The following ZFP1 variants were observed in gnomAD, a reference collection of about 807,000 sequenced individuals.
ZFP1 encodes zinc finger protein 1 homolog.
A neutral mutation model predicts 38.5 loss-of-function variants in ZFP1; 32 were observed. The ratio of observed to expected loss-of-function variants is 0.83; its 90% CI spans 0.63 to 1.12. The LOEUF (loss-of-function observed/expected upper bound fraction) is 1.12, where lower values mean the gene tolerates loss of function less well. Ranked by LOEUF, ZFP1 falls within the 50% of genes most tolerant of loss-of-function variation. The probability of loss-of-function intolerance (pLI) is 0.00; values close to 1 mark genes in which losing one functional copy is unlikely to be tolerated. For missense variants in ZFP1, 616 were observed against 480.8 expected (o/e 1.28, Z -2.63); for synonymous variants, 245 against 168.8 (o/e 1.45, Z -3.50).
chr16:75,170,759 A>G lies in ZFP1; in HGVS notation c.*425A>G, dbSNP rs1397852559. On this transcript the variant is annotated 3_prime_UTR_variant, in exon 4 of 4. Coordinates refer to ENST00000570010, the MANE Select transcript of ZFP1 (RefSeq NM_153688.4). The stretch of plus-strand genomic sequence containing the variant: ...GAATTTGAAATTCTTGTCCTCTGTG[A>G]TAATTAGGACATAACAAGATTTTCC... The G allele has an allele frequency of 6.3e-6, 1 of 158,418 alleles. No homozygotes were observed. Among genetic ancestry groups the G allele is most frequent in the South Asian group, 2.0e-4 (1 of 5,128 alleles). 9.8% of individuals were successfully genotyped at this position (158,418 alleles called of 1,614,324 possible). A position where few individuals can be genotyped will look rare whatever the true frequency, so the allele number is the denominator to read the frequency against.
chr16:75,124,600 G>A, the ZFP1 span, among the ~76,000 whole-genome samples: 46 of 150,508 alleles, frequency 3.1e-4, no homozygotes, highest in Non-Finnish European at 4.6e-4. Context: ...TGGCTAACAC[G>A]GTGAAACCCC....
intron 1 of ZFP1, among the ~76,000 whole-genome samples, chr16:75,152,147 T>G (rs1033272489): frequency 1.3e-5 from 2 of 152,186 alleles, no homozygotes; most frequent in African/African-American, 4.8e-5. Flanking sequence ...AACTTTGGTT[T>G]TCATTTGTTT....
chr16:75,140,389 C>T, the ZFP1 span, among the ~76,000 whole-genome samples: 2 of 151,964 alleles, frequency 1.3e-5, no homozygotes, highest in African/African-American at 2.4e-5. Flanking sequence ...GGCAACAGAG[C>T]GAGATCTTGT....
At chr16:75,160,541 C>G (rs920924540) in intron 2 of ZFP1, among the ~76,000 whole-genome samples, 2 of 151,714 alleles carry the variant, frequency 1.3e-5, no homozygotes, top group Non-Finnish European at 2.9e-5. Context: ...TGTCTGTAAC[C>G]CCAGCTACTT....
At chr16:75,127,607 C>T in the ZFP1 span, among the ~76,000 whole-genome samples, 4 of 152,128 alleles carry the variant, frequency 2.6e-5, no homozygotes, top group Non-Finnish European at 2.9e-5. Flanking sequence ...AGGCATGAGT[C>T]ACTGTGTCTG....
At chr16:75,131,798 TA>T in the ZFP1 span, among the ~76,000 whole-genome samples, 53 of 152,066 alleles carry the variant, frequency 3.5e-4, no homozygotes, top group South Asian at 1.2e-3. Flanking sequence ...ACCCTGTCTC[TA>T]CTAAAAATAC....
intron 2 of ZFP1, among the ~76,000 whole-genome samples, chr16:75,156,954 G>T (rs192624202): frequency 2.6e-5 from 4 of 152,292 alleles, no homozygotes; most frequent in South Asian, 2.1e-4. Context: ...TACAGTGGCC[G>T]CAGGTATCTT....
chr16:75,140,315 TC>T, the ZFP1 span, among the ~76,000 whole-genome samples: 1 of 150,836 alleles, frequency 6.6e-6, no homozygotes, highest in Non-Finnish European at 1.5e-5. Flanking sequence ...ATGCTTCTAA[TC>T]CCAGCACCTT....
chr16:75,134,421 A>G, the ZFP1 span, among the ~76,000 whole-genome samples: 1 of 152,164 alleles, frequency 6.6e-6, no homozygotes, highest in African/African-American at 2.4e-5. Flanking sequence ...CAGCCTGGGC[A>G]TCAATAGCCA....
rs374677202 is a variant in ZFP1, at chr16:75,170,991, A to G, written c.*657A>G. ...TTTCCCTGCTTCTGGTTTGCTGAAG[A>G]TTTTCTAGAAGCACTATTTACACAA... On this transcript the variant is annotated 3_prime_UTR_variant, in exon 4 of 4. Transcript: ENST00000570010. 22 of 152,276 alleles carry G rather than the reference A, an allele frequency of 1.4e-4. No individual in the cohort carries two copies. The highest frequency in any genetic ancestry group is 5.3e-4 in the African/African-American group (22 of 41,450). The allele number at this position is 152,276 out of a possible 1,614,324, so 9.4% of individuals were successfully genotyped here.
the ZFP1 span, among the ~76,000 whole-genome samples, chr16:75,136,895 A>G: frequency 3.3e-5 from 5 of 152,096 alleles, no homozygotes; most frequent in African/African-American, 1.2e-4. Flanking sequence ...AAGGAAAAAA[A>G]AGGACCCTGT....
chr16:75,164,400 T>A (rs1162253312), intron 2 of ZFP1, among the ~76,000 whole-genome samples: 1 of 152,260 alleles, frequency 6.6e-6, no homozygotes, highest in Non-Finnish European at 1.5e-5. Context: ...AACATGGTAC[T>A]TTCTTCCTGC....
At chr16:75,143,647 C>CTTTTTTTTTTT (rs386385080), upstream of ZFP1, among the ~76,000 whole-genome samples, 1 of 93,794 alleles carries the variant, frequency 1.1e-5, no homozygotes, top group Middle Eastern at 8.3e-3. Flanking sequence ...GGAGGTGAAT[C>CTTTTTTTTTTT]TTTTTTTTTT....
At chr16:75,154,054 TA>T (rs1013566557) in intron 2 of ZFP1, among the ~76,000 whole-genome samples, 7 of 148,318 alleles carry the variant, frequency 4.7e-5, no homozygotes, top group East Asian at 2.0e-4. Flanking sequence ...CCGTCTCTAG[TA>T]AAAAAAAAAG....
chr16:75,159,249 C>CTTCCCTTCCT (rs2037624538), intron 2 of ZFP1, among the ~76,000 whole-genome samples: 1 of 149,920 alleles, frequency 6.7e-6, no homozygotes, highest in Non-Finnish European at 1.5e-5. Context: ...CTTCCCTTCC[C>CTTCCCTTCCT]TTCCCTTCCT....
At chr16:75,153,580 T>C (rs919145752) in intron 2 of ZFP1, among the ~76,000 whole-genome samples, 1 of 152,114 alleles carries the variant, frequency 6.6e-6, no homozygotes, top group East Asian at 1.9e-4. Context: ...TACAGAAAAA[T>C]TGAATGGGGA....
chr16:75,136,022 G>C, the ZFP1 span, among the ~76,000 whole-genome samples: 1 of 152,104 alleles, frequency 6.6e-6, no homozygotes, highest in Non-Finnish European at 1.5e-5. Flanking sequence ...CGTCATGTTG[G>C]CCAGGCTAGT....
At chr16:75,163,564 G>A (rs536354073) in intron 2 of ZFP1, among the ~76,000 whole-genome samples, 26 of 151,714 alleles carry the variant, frequency 1.7e-4, no homozygotes, top group African/African-American at 3.9e-4. Flanking sequence ...CACCTGCGTC[G>A]GCCTCCCAGA....
At chr16:75,154,056 A>T (rs1472946164) in intron 2 of ZFP1, among the ~76,000 whole-genome samples, 1 of 150,774 alleles carries the variant, frequency 6.6e-6, no homozygotes, top group Admixed American at 6.6e-5. Context: ...GTCTCTAGTA[A>T]AAAAAAAAGT....
Sources: gnomAD v4.1 joint callset for allele counts (sites outside exome capture counted in the v4.1 genomes callset) on GRCh38, gnomAD v4.1.1 for gene constraint, MANE v1.5 for transcripts, NCBI Gene and HGNC (gene_info 2026-07-23, HGNC 2026-07-21) for gene names.